The following TESPA1 variants were observed in gnomAD, a reference collection of about 807,000 sequenced individuals.
The protein encoded by TESPA1 is thymocyte expressed, positive selection associated 1, also known as protein TESPA1.
TESPA1 carries 33 observed loss-of-function variants against 57.9 expected under a neutral mutation model. The ratio of observed to expected loss-of-function variants is 0.57; its 90% CI spans 0.43 to 0.76. The LOEUF (loss-of-function observed/expected upper bound fraction) is 0.76. TESPA1 is among the 30% of genes least tolerant of loss of function. TESPA1 has a pLI of 0.00. For synonymous variants in TESPA1, 227 were observed against 228.9 expected (o/e 0.99, Z 0.07); for missense variants, 618 against 632.9 (o/e 0.98, Z 0.25).
At chr12:54,968,084 C>T in intron 3 of TESPA1, 192 bp from the exon 4 acceptor site, 2 of 1,426,382 alleles carry the variant, frequency 1.4e-6, no homozygotes. Context: ...GTTGGGGAAA[C>T]TGGGGCTGGA....
chr12:54,972,487 A>G (rs368954842), intron 3 of TESPA1, among the ~76,000 whole-genome samples: 4 of 152,162 alleles, frequency 2.6e-5, no homozygotes, highest in Non-Finnish European at 5.9e-5. Flanking sequence ...GACAGTTCTC[A>G]TCCTAGGCTT....
At chr12:54,955,186 C>T (rs1213984936) in intron 10 of TESPA1, among the ~76,000 whole-genome samples, 3 of 152,124 alleles carry the variant, frequency 2.0e-5, no homozygotes, top group African/African-American at 7.2e-5. Flanking sequence ...ATTAGTGATA[C>T]TGAGAATCTT....
chr12:54,962,326 G>T (rs1361060978), intron 9 of TESPA1, 105 bp downstream of exon 9: 1 of 1,318,476 alleles, frequency 7.6e-7, no homozygotes, highest in Non-Finnish European at 1.0e-6. Context: ...GGCTAGGACA[G>T]GAAGCCTGGA....
At chr12:54,969,066 G>GATAT (rs1565859629) in intron 3 of TESPA1, among the ~76,000 whole-genome samples, 5 of 112,014 alleles carry the variant, frequency 4.5e-5, no homozygotes, top group South Asian at 8.6e-4. Context: ...TAGATAGATA[G>GATAT]ATATAGATAT....
chr12:54,967,975 C>G (rs1951553420), intron 3 of TESPA1, 83 bp from the exon 4 acceptor site: 1 of 1,597,692 alleles, frequency 6.3e-7, no homozygotes, highest in Admixed American at 1.7e-5. Context: ...CACACATATT[C>G]ATATTCTTTT....
At position 54,962,983 on chromosome 12, in the gene TESPA1, G is replaced by T. The variant is rs761578612; in HGVS notation, c.915C>A (p.Asn305Lys). The change falls in exon 9 of 11, where the codon AAC becomes AAA. Residue 305 changes from asparagine to lysine, a missense_variant. By Grantham distance (94) the Asn-to-Lys change is moderately conservative (BLOSUM62 0). Coordinates refer to ENST00000449076, the MANE Select transcript of TESPA1 (RefSeq NM_001136030.3). ...GGTCCAAACTGTTCCTTTTGGGGGT[G>T]TTGTGGGGTGGTGGTGGCCGGTCTC... ...CPRDRPPPPH[N>K]TPKRNSLDQV... 1.9e-6 allele frequency: 3 copies of T among 1,613,642 alleles called. No individual in the cohort carries two copies. The South Asian group carries it at 3.3e-5, about 18-fold the overall frequency.
At position 54,976,904 on chromosome 12, in the gene TESPA1, T is replaced by C. The variant is rs116672395; in HGVS notation, c.-45-2297A>G. ...TCCCCTGAAAATACTTACCTCTTTTTTTAACCTCGGTTTTCTCAAATTCTT... is the reference window on the plus strand; with the variant it reads ...TCCCCTGAAAATACTTACCTCTTTTCTTAACCTCGGTTTTCTCAAATTCTT... On this transcript the variant is annotated intron_variant, in intron 1 of 10. Coordinates refer to ENST00000449076, the MANE Select transcript of TESPA1 (RefSeq NM_001136030.3). Among the ~76,000 whole-genome samples, 812 of 152,262 alleles carry C rather than the reference T, an allele frequency of 5.3e-3. 6 individuals carry two copies. The highest frequency in any genetic ancestry group is 0.019 in the African/African-American group (769 of 41,546).
chr12:54,970,032 G>A (rs150366687), intron 3 of TESPA1, among the ~76,000 whole-genome samples: 44 of 152,250 alleles, frequency 2.9e-4, no homozygotes, highest in African/African-American at 1.0e-3. Context: ...GCCCAAGAGA[G>A]CCTCCTGCCT....
At chr12:54,967,145 GT>G in intron 5 of TESPA1, 37 bp downstream of exon 5, 1 of 1,609,950 alleles carries the variant, frequency 6.2e-7, no homozygotes, top group East Asian at 2.2e-5. Flanking sequence ...TGTATATCCT[GT>G]TTTCTCATCC....
intron 5 of TESPA1, 78 bp downstream of exon 5, chr12:54,967,105 G>A: frequency 6.6e-7 from 1 of 1,520,626 alleles, no homozygotes; most frequent in South Asian, 1.2e-5. Context: ...CTGAAGTTTT[G>A]CACTTCCATC....
chr12:54,975,366 C>T (rs1035497351), intron 1 of TESPA1, among the ~76,000 whole-genome samples: 4 of 152,050 alleles, frequency 2.6e-5, no homozygotes, highest in South Asian at 2.1e-4. Flanking sequence ...CTAATCCTGT[C>T]GATTCATATT....
intron 1 of TESPA1, among the ~76,000 whole-genome samples, chr12:54,975,029 A>T (rs12318106): frequency 0.27 from 41,707 of 152,060 alleles, 6,791 homozygotes; most frequent in East Asian, 0.71. Context: ...TTCATTTTTT[A>T]ATCCTCATCA....
At chr12:54,981,919 G>A (rs1422656882) in intron 1 of TESPA1, 1 of 152,250 alleles carries the variant, frequency 6.6e-6, no homozygotes, top group African/African-American at 2.4e-5. Context: ...TCTTCTGTCT[G>A]TTTTGTACCT....
At chr12:54,970,269 A>G (rs919825552) in intron 3 of TESPA1, among the ~76,000 whole-genome samples, 2 of 152,186 alleles carry the variant, frequency 1.3e-5, no homozygotes, top group Non-Finnish European at 2.9e-5. Context: ...TTCATTTTTC[A>G]GTAAGTATAT....
rs61733024 is a variant in TESPA1, at chr12:54,962,620, G to A, written c.1278C>T (p.Ala426=). The A allele has an allele frequency of 4.5e-3, 7,323 of 1,613,904 alleles. 310 individuals carry two copies. In the African/African-American group the frequency reaches 0.087, roughly 19 times the overall value. ...TTCTTTTCCAGAAAGTCTCATCCTT[G>A]GCTGGATGGGTTTCCGTATTGGTGG... ...LPATNTETHP[A]KDETFWKRKS... is the part of the protein sequence containing the mutation. The change falls in exon 9 of 11, where the codon GCC becomes GCT. Residue 426 remains alanine, a synonymous_variant. Coordinates refer to ENST00000449076, the MANE Select transcript of TESPA1 (RefSeq NM_001136030.3).
At chr12:54,969,952 G>A (rs768333869) in intron 3 of TESPA1, among the ~76,000 whole-genome samples, 1 of 152,090 alleles carries the variant, frequency 6.6e-6, no homozygotes, top group Non-Finnish European at 1.5e-5. Context: ...TTTATTTGTT[G>A]ACAGGGTCTC....
chr12:54,963,613 G>A, intron 8 of TESPA1, 129 bp downstream of exon 8: 1 of 1,036,816 alleles, frequency 9.6e-7, no homozygotes, highest in South Asian at 1.6e-5. Flanking sequence ...GACAACATAA[G>A]AGGAAATAGA....
In TESPA1 at chr12:54,949,208, G is replaced by C. The variant is rs552059594; in HGVS notation, c.*1184C>G. 6.6e-6 allele frequency: 1 copy of C among 152,214 alleles called. No individual in the cohort carries two copies. Among genetic ancestry groups the C allele is most frequent in the East Asian group, 1.9e-4 (1 of 5,188 alleles). The allele number at this position is 152,214 out of a possible 1,614,324, so 9.4% of individuals were successfully genotyped here. On this transcript the variant is annotated 3_prime_UTR_variant, in exon 11 of 11. Transcript: ENST00000449076. ...ATGGTTTAAAAATTTTTCCACCCTA[G>C]CCCTTTTGTCTCTGCCTCACTACGT... is the stretch of plus-strand genomic sequence containing the variant.
At chr12:54,957,390 A>T (rs1290485114) in intron 10 of TESPA1, among the ~76,000 whole-genome samples, 1 of 152,250 alleles carries the variant, frequency 6.6e-6, no homozygotes, top group Non-Finnish European at 1.5e-5. Flanking sequence ...AAAAGGCAGA[A>T]GTGGGACTAT....
Sources: allele counts gnomAD v4.1 joint callset (sites outside exome capture counted in the v4.1 genomes callset), GRCh38; gene constraint gnomAD v4.1.1; transcripts MANE v1.5; gene names NCBI Gene and HGNC (gene_info 2026-07-23, HGNC 2026-07-21).